The following GSE1 variants were observed in gnomAD, a reference collection of about 807,000 sequenced individuals.
GSE1 encodes Gse1 coiled-coil protein.
Under a neutral mutation model 112.6 loss-of-function variants are expected in GSE1, and 32 were observed. The ratio of observed to expected loss-of-function variants is 0.28; its 90% CI spans 0.21 to 0.38. The LOEUF is 0.38. GSE1 is among the 10% of genes least tolerant of loss of function. The pLI, the probability that GSE1 is intolerant of heterozygous loss-of-function variation, is 1.00. For synonymous variants in GSE1, 1,115 were observed against 735.6 expected, an observed-to-expected ratio of 1.52 and a Z score of -8.35; for missense variants, 2,348 against 1,699.2, an observed-to-expected ratio of 1.38 and a Z score of -6.71.
At position 85,662,012 on chromosome 16, in the gene GSE1, G is replaced by A. The variant is rs773266807; in HGVS notation, c.2260+247G>A. On this transcript the variant is annotated intron_variant, in intron 9 of 15. Transcript: ENST00000253458. ...GTCCCAAAAAGCCAAATCAAAGCCC[G>A]CCTGTGAAGATAGTTCCGCAGACAA... 9.2e-5 allele frequency among the ~76,000 whole-genome samples: 14 copies of A among 152,328 alleles called. No individual in the cohort carries two copies. The South Asian group carries it at 1.9e-3, about 20-fold the overall frequency.
intron 2 of GSE1, among the ~76,000 whole-genome samples, chr16:85,532,902 G>C (rs1387891175): frequency 6.6e-6 from 1 of 152,182 alleles, no homozygotes. Flanking sequence ...TGGTTTGGTG[G>C]TTGTCATCAG....
intron 1 of GSE1, among the ~76,000 whole-genome samples, chr16:85,253,058 GCCCCCCCCCCACCCCCC>G (rs1408020698): frequency 2.1e-5 from 1 of 47,144 alleles, no homozygotes; most frequent in Non-Finnish European, 3.9e-5. Flanking sequence ...AGGCGCCCCC[GCCCCCCCCCCACCCCCC>G]CCCCCCCACC....
At chr16:85,634,489 G>A (rs1598473023) in intron 2 of GSE1, among the ~76,000 whole-genome samples, 1 of 152,302 alleles carries the variant, frequency 6.6e-6, no homozygotes, top group East Asian at 1.9e-4. Context: ...GGGAGAGCTG[G>A]GCCCCAGTGC....
intron 1 of GSE1, among the ~76,000 whole-genome samples, chr16:85,240,539 G>C (rs1228972307): frequency 6.6e-6 from 1 of 152,182 alleles, no homozygotes; most frequent in Non-Finnish European, 1.5e-5. Flanking sequence ...CAGGGGCGAG[G>C]GGCCGGTCAC....
intron 1 of GSE1, among the ~76,000 whole-genome samples, chr16:85,589,549 G>C (rs948405988): frequency 6.6e-6 from 1 of 152,212 alleles, no homozygotes; most frequent in Admixed American, 6.5e-5. Flanking sequence ...TTGTTTACCA[G>C]CTCTCCAAGT....
At chr16:85,320,996 G>A (rs1166540838) in intron 1 of GSE1, among the ~76,000 whole-genome samples, 1 of 152,138 alleles carries the variant, frequency 6.6e-6, no homozygotes, top group Non-Finnish European at 1.5e-5. Flanking sequence ...TATTTAGCGT[G>A]GCTTAGTTTC....
chr16:85,408,759 A>C (rs1203901642), intron 2 of GSE1, among the ~76,000 whole-genome samples: 2 of 61,490 alleles, frequency 3.3e-5, no homozygotes, highest in African/African-American at 1.6e-4. Context: ...CCCCCTGGAT[A>C]ATCCTCACTG....
intron 5 of GSE1, 45 bp from the exon 6 acceptor site, chr16:85,655,681 C>G (rs776428673): frequency 7.4e-7 from 1 of 1,355,258 alleles, no homozygotes; most frequent in South Asian, 1.3e-5. Context: ...GCTGGGTCTT[C>G]CCCTTGGTTC....
intron 2 of GSE1, among the ~76,000 whole-genome samples, chr16:85,540,608 G>C (rs1006007478): frequency 1.2e-4 from 18 of 152,192 alleles, no homozygotes; most frequent in Non-Finnish European, 2.6e-4. Context: ...ATCCCTTCTA[G>C]TCTTGACAGC....
At chr16:85,558,363 C>G (rs1035095655) in intron 1 of GSE1, among the ~76,000 whole-genome samples, 1 of 152,254 alleles carries the variant, frequency 6.6e-6, no homozygotes, top group African/African-American at 2.4e-5. Context: ...AATGAATCTT[C>G]TTAAGTACAG....
intron 1 of GSE1, among the ~76,000 whole-genome samples, chr16:85,624,066 G>A (rs981319048): frequency 4.6e-5 from 7 of 152,182 alleles, no homozygotes; most frequent in Non-Finnish European, 8.8e-5. Flanking sequence ...GAGGAGAGGG[G>A]CCTGCATTTC....
At chr16:85,572,955 C>T (rs750815212) in intron 1 of GSE1, among the ~76,000 whole-genome samples, 12 of 152,288 alleles carry the variant, frequency 7.9e-5, no homozygotes, top group African/African-American at 1.4e-4. Context: ...CTGCAACCTC[C>T]GCCTCCTGGG....
At chr16:85,592,982 T>G (rs537170648) in intron 1 of GSE1, 2 of 152,514 alleles carry the variant, frequency 1.3e-5, no homozygotes, top group East Asian at 3.9e-4. Context: ...TTCAGCCAGC[T>G]CTGGGAGACT....
chr16:85,449,193 C>A (rs2049599135), intron 2 of GSE1, among the ~76,000 whole-genome samples: 1 of 152,200 alleles, frequency 6.6e-6, no homozygotes, highest in Admixed American at 6.5e-5. Flanking sequence ...CTTTGTGACT[C>A]TAATGGTGCC....
intron 1 of GSE1, among the ~76,000 whole-genome samples, chr16:85,346,817 GTGGATGGA>G (rs370172173): frequency 2.0e-5 from 3 of 150,164 alleles, no homozygotes; most frequent in Admixed American, 2.0e-4. Flanking sequence ...GTGGTAGATG[GTGGATGGA>G]TGGATGGATG....
intron 1 of GSE1, among the ~76,000 whole-genome samples, chr16:85,211,745 C>T (rs938210863): frequency 3.3e-5 from 5 of 152,166 alleles, no homozygotes; most frequent in East Asian, 1.9e-4. Context: ...TGGGCACCCG[C>T]GAGAGAGGTA....
At chr16:85,597,795 G>T (rs1322720001) in intron 1 of GSE1, among the ~76,000 whole-genome samples, 1 of 152,164 alleles carries the variant, frequency 6.6e-6, no homozygotes, top group Non-Finnish European at 1.5e-5. Context: ...CTAAAAGATG[G>T]GCCAGCCTCA....
intron 1 of GSE1, among the ~76,000 whole-genome samples, chr16:85,335,034 A>G (rs1470935126): frequency 6.6e-6 from 1 of 152,174 alleles, no homozygotes; most frequent in Non-Finnish European, 1.5e-5. Flanking sequence ...CTCGGATGCT[A>G]TCTGTACAAG....
At chr16:85,602,560 G>A (rs1391546084) in intron 1 of GSE1, among the ~76,000 whole-genome samples, 2 of 152,078 alleles carry the variant, frequency 1.3e-5, no homozygotes, top group East Asian at 1.9e-4. Flanking sequence ...AGGGTGACCC[G>A]CTGCTCCAGA....
Sources: allele counts gnomAD v4.1 joint callset (sites outside exome capture counted in the v4.1 genomes callset), GRCh38; gene constraint gnomAD v4.1.1; transcripts MANE v1.5; gene names NCBI Gene and HGNC (gene_info 2026-07-23, HGNC 2026-07-21).